Variants in SIGLECL1 observed in about 807,000 individuals in gnomAD.
SIGLECL1 encodes SIGLEC family like 1.
In SIGLECL1, 16 loss-of-function variants were observed where a neutral mutation model predicts 19.1. The ratio of observed to expected loss-of-function variants is 0.84; its 90% CI spans 0.57 to 1.27. The LOEUF (loss-of-function observed/expected upper bound fraction) is 1.27, where lower values mean the gene tolerates loss of function less well. SIGLECL1 is among the 50% of genes most tolerant of loss of function. SIGLECL1 has a pLI of 0.00. For missense variants in SIGLECL1, 210 were observed against 239.4 expected, an observed-to-expected ratio of 0.88 and a Z score of 0.81; for synonymous variants, 89 against 90.4, an observed-to-expected ratio of 0.98 and a Z score of 0.09.
upstream of SIGLECL1, among the ~76,000 whole-genome samples, chr19:51,249,837 A>G (rs1013705218): frequency 1.3e-5 from 2 of 152,216 alleles, no homozygotes; most frequent in Non-Finnish European, 2.9e-5. Context: ...GTAAAAGAAT[A>G]AAAGAATGAT....
At chr19:51,263,712 C>T (rs375122429) in intron 1 of SIGLECL1, among the ~76,000 whole-genome samples, 171 bp from the exon 2 acceptor site, 11 of 152,112 alleles carry the variant, frequency 7.2e-5, no homozygotes, top group Non-Finnish European at 1.3e-4. Flanking sequence ...GAGCCGAGAT[C>T]GAGCCACTGC....
intron 4 of SIGLECL1, 98 bp downstream of exon 4, chr19:51,265,980 C>T: frequency 8.3e-7 from 1 of 1,211,300 alleles, no homozygotes; most frequent in South Asian, 1.3e-5. Context: ...CCCCTCCCCT[C>T]AAGGAGCTTA....
At chr19:51,256,864 G>C (rs1025236314) in intron 1 of SIGLECL1, among the ~76,000 whole-genome samples, 3 of 151,938 alleles carry the variant, frequency 2.0e-5, no homozygotes, top group African/African-American at 7.3e-5. Flanking sequence ...TCTGATCACT[G>C]CTCTAACCAT....
At chr19:51,259,004 G>C (rs1010458904) in intron 1 of SIGLECL1, among the ~76,000 whole-genome samples, 1 of 152,218 alleles carries the variant, frequency 6.6e-6, no homozygotes, top group Non-Finnish European at 1.5e-5. Context: ...ATCTAATCAA[G>C]ATAAATGACA....
chr19:51,252,923 G>A (rs914827209), intron 1 of SIGLECL1, among the ~76,000 whole-genome samples: 1 of 151,908 alleles, frequency 6.6e-6, no homozygotes, highest in Admixed American at 6.6e-5. Context: ...CCAGGAGTTC[G>A]AGACCAGCCT....
chr19:51,257,387 G>A (rs1379920178), intron 1 of SIGLECL1, among the ~76,000 whole-genome samples: 1 of 150,708 alleles, frequency 6.6e-6, no homozygotes. Flanking sequence ...TCCAGTCTGG[G>A]TGACAGAGCA....
chr19:51,267,072 A>C (rs1281561246), intron 4 of SIGLECL1, among the ~76,000 whole-genome samples: 1 of 152,164 alleles, frequency 6.6e-6, no homozygotes. Flanking sequence ...GTCAGGGCAA[A>C]CTGAGGAGCT....
At chr19:51,255,765 T>C (rs1982764301) in intron 1 of SIGLECL1, among the ~76,000 whole-genome samples, 1 of 152,180 alleles carries the variant, frequency 6.6e-6, no homozygotes, top group African/African-American at 2.4e-5. Context: ...TAGATGGGTA[T>C]ATCAAGAAGG....
At chr19:51,262,782 T>C (rs556699940) in intron 1 of SIGLECL1, among the ~76,000 whole-genome samples, 1 of 152,366 alleles carries the variant, frequency 6.6e-6, no homozygotes, top group East Asian at 1.9e-4. Flanking sequence ...AACCAAGTGA[T>C]CACATATGTA....
At chr19:51,262,927 T>G (rs1020014154) in intron 1 of SIGLECL1, among the ~76,000 whole-genome samples, 17 of 152,312 alleles carry the variant, frequency 1.1e-4, no homozygotes, top group African/African-American at 4.1e-4. Context: ...AGATAAAGTC[T>G]TACTCTGTAG....
intron 1 of SIGLECL1, among the ~76,000 whole-genome samples, chr19:51,261,607 C>G (rs1983230262): frequency 6.6e-6 from 1 of 152,082 alleles, no homozygotes; most frequent in South Asian, 2.1e-4. Context: ...TTTTAACTGT[C>G]CTTTACACTT....
At position 51,267,447 on chromosome 19, in the gene SIGLECL1, C is replaced by A. The variant is rs1401550765; in HGVS notation, c.485C>A (p.Ala162Glu). Residue 162 changes from alanine (A) to glutamate (E), a missense_variant, in exon 5 of 6, where the codon GCA (alanine) becomes GAA (glutamate). Ala to Glu is a moderately radical substitution (Grantham distance 107, BLOSUM62 -1). Coordinates refer to ENST00000601727, the MANE Select transcript of SIGLECL1 (RefSeq NM_001385465.1). ...IRAKKSSKVRASQELEMSLKP... is the reference protein window; with the variant it reads ...IRAKKSSKVRESQELEMSLKP... ...GCAAAAAAGAGCTCTAAAGTCAGAG[C>A]AAGCCAAGAACTTGAGATGTCTCTG... The A allele has an allele frequency of 1.2e-6, 2 of 1,614,192 alleles. No homozygotes were observed. The highest frequency in any genetic ancestry group is 1.7e-6 in the Non-Finnish European group (2 of 1,180,040).
intron 1 of SIGLECL1, among the ~76,000 whole-genome samples, chr19:51,254,054 C>T (rs1285868746): frequency 2.6e-5 from 4 of 152,216 alleles, no homozygotes; most frequent in South Asian, 2.1e-4. Flanking sequence ...CACAGTGGCT[C>T]ATGCCTGTAA....
At chr19:51,248,888 A>AAAG, upstream of SIGLECL1, among the ~76,000 whole-genome samples, 1 of 152,322 alleles carries the variant, frequency 6.6e-6, no homozygotes, top group Admixed American at 6.5e-5. Context: ...TTTCTAGGAT[A>AAAG]TGACCATTCA....
Position 51,265,424 on chromosome 19 carries a change from T to G in SIGLECL1, c.79T>G (p.Cys27Gly). ...CTTGGAGAAGACACTGCAGTGCAGC[T>G]GTTCCTTCCATGGGATTCCCACACC... ...CSLEKTLQCS[C>G]SFHGIPTPSV... Residue 27 changes from cysteine (C) to glycine (G), a missense_variant, in exon 3 of 6, where the codon TGT (cysteine) becomes GGT (glycine). By Grantham distance (159) the Cys-to-Gly change is radical. Transcript: ENST00000601727. The G allele has an allele frequency of 6.2e-7, 1 of 1,614,148 alleles. No homozygotes were observed. Among genetic ancestry groups the G allele is most frequent in the Non-Finnish European group, 8.5e-7 (1 of 1,180,034 alleles).
At chr19:51,260,739 G>A (rs1190791546) in intron 1 of SIGLECL1, among the ~76,000 whole-genome samples, 2 of 152,130 alleles carry the variant, frequency 1.3e-5, no homozygotes, top group African/African-American at 4.8e-5. Context: ...TCTTGGATAT[G>A]TACTGGTATC....
At position 51,265,622 on chromosome 19, in the gene SIGLECL1, C is replaced by G. The variant is rs773742543; in HGVS notation, c.277C>G (p.His93Asp). The G allele has an allele frequency of 6.2e-7, 1 of 1,614,048 alleles. No homozygotes were observed. The highest frequency in any genetic ancestry group is 8.5e-7 in the Non-Finnish European group (1 of 1,179,962). The change falls in exon 3 of 6, where the codon CAT becomes GAT. Residue 93 changes from histidine (H) to aspartate (D), a missense_variant. Coordinates refer to ENST00000601727, the MANE Select transcript of SIGLECL1 (RefSeq NM_001385465.1). ...TGAGGGGAAGAACCAAAACGGAACC[C>G]ATGCTTTGAGCATCCTACTGATGTC... ...LCEGKNQNGT[H>D]ALSILLMSRK... is the part of the protein sequence containing the mutation.
intron 1 of SIGLECL1, among the ~76,000 whole-genome samples, chr19:51,253,816 C>T (rs1982634798): frequency 6.6e-6 from 1 of 152,208 alleles, no homozygotes. Flanking sequence ...AACGTAACGG[C>T]TGCATGTCTT....
At chr19:51,264,452 A>T (rs1374066618) in intron 2 of SIGLECL1, 1 of 223,258 alleles carries the variant, frequency 4.5e-6, no homozygotes, top group Non-Finnish European at 8.9e-6. Context: ...GGACAGCCAT[A>T]GAGGGGTCCG....
Sources: gnomAD v4.1 joint callset for allele counts (sites outside exome capture counted in the v4.1 genomes callset) on GRCh38, gnomAD v4.1.1 for gene constraint, MANE v1.5 for transcripts, NCBI Gene and HGNC (gene_info 2026-07-23, HGNC 2026-07-21) for gene names.